The following AMD1 variants were observed in gnomAD, a reference collection of about 807,000 sequenced individuals.
The protein encoded by AMD1 is S-adenosylmethionine decarboxylase proenzyme.
A neutral mutation model predicts 40.2 loss-of-function variants in AMD1; 11 were observed. That is an observed-to-expected ratio of 0.27 (90% CI 0.17 to 0.45). AMD1 has a LOEUF of 0.45. Among genes scored for constraint, AMD1 ranks in the 20% least tolerant of loss-of-function variants. The pLI is 1.00. For missense variants in AMD1, 257 were observed against 410.2 expected (o/e 0.63, Z 3.23); for synonymous variants, 121 against 130.8 (o/e 0.93, Z 0.51).
chr6:110,839,235 A>G, the AMD1 span, among the ~76,000 whole-genome samples: 2 of 152,308 alleles, frequency 1.3e-5, no homozygotes, highest in East Asian at 3.9e-4. Flanking sequence ...TTTTCTACAC[A>G]CTGAATGATA....
chr6:110,834,567 A>G, the AMD1 span, among the ~76,000 whole-genome samples: 1 of 151,780 alleles, frequency 6.6e-6, no homozygotes, highest in Admixed American at 6.6e-5. Context: ...TTATGCCTAT[A>G]CTCCCAGCAC....
At chr6:110,818,376 C>T in the AMD1 span, among the ~76,000 whole-genome samples, 1 of 152,078 alleles carries the variant, frequency 6.6e-6, no homozygotes, top group Non-Finnish European at 1.5e-5. Flanking sequence ...AATGAATGAG[C>T]TATACATTGT....
chr6:110,819,163 G>T, the AMD1 span, among the ~76,000 whole-genome samples: 28 of 152,244 alleles, frequency 1.8e-4, no homozygotes, highest in South Asian at 5.6e-3. Flanking sequence ...TTTGAGACCA[G>T]CCTAATCAAC....
rs1786247687 is a variant in AMD1 at position 110,895,423 on chromosome 6, GTTGAC to G, written c.*1812_*1816del. The G allele has an allele frequency of 2.0e-5, 3 of 150,844 alleles. No homozygotes were observed. 9.3% of individuals were successfully genotyped at this position (150,844 alleles called of 1,614,324 possible). On this transcript the variant is annotated 3_prime_UTR_variant, in exon 9 of 9. Coordinates refer to ENST00000368885, the MANE Select transcript of AMD1 (RefSeq NM_001634.6). ...TCGTAAACAATATCCCAATAGATTTGTTGACTTGAGGTCTGGTTTGGTTTTGTTTT... is the reference window on the plus strand; with the variant it reads ...TCGTAAACAATATCCCAATAGATTTGTTGAGGTCTGGTTTGGTTTTGTTTT...
chr6:110,870,316 TACTTGGTC>T (rs1481539142), upstream of AMD1, among the ~76,000 whole-genome samples: 1 of 152,174 alleles, frequency 6.6e-6, no homozygotes, highest in Admixed American at 6.5e-5. Context: ...TCCAGCACAC[TACTTGGTC>T]ACTTTAAATT....
the AMD1 span, among the ~76,000 whole-genome samples, chr6:110,848,008 C>G: frequency 6.6e-6 from 1 of 151,814 alleles, no homozygotes; most frequent in South Asian, 2.1e-4. Flanking sequence ...GCCACCGCAC[C>G]CGGCCAGCAA....
At chr6:110,849,120 C>G in the AMD1 span, among the ~76,000 whole-genome samples, 1 of 152,178 alleles carries the variant, frequency 6.6e-6, no homozygotes. Flanking sequence ...TGACGTGATA[C>G]AGACAATGAC....
chr6:110,862,890 T>C, the AMD1 span, among the ~76,000 whole-genome samples: 11 of 152,234 alleles, frequency 7.2e-5, no homozygotes, highest in African/African-American at 2.7e-4. Context: ...TGTGGACTTG[T>C]GGTCCTCACG....
the AMD1 span, among the ~76,000 whole-genome samples, chr6:110,837,370 G>A: frequency 6.6e-6 from 1 of 150,898 alleles, no homozygotes; most frequent in Non-Finnish European, 1.5e-5. Context: ...TTCTATACAG[G>A]TTACAATAAT....
At chr6:110,887,633 C>A in intron 2 of AMD1, 42 bp downstream of exon 2, 1 of 1,372,942 alleles carries the variant, frequency 7.3e-7, no homozygotes, top group Non-Finnish European at 1.0e-6. Flanking sequence ...AATTTCAGTC[C>A]TAATCATAAT....
At position 110,874,821 on chromosome 6, in the gene AMD1, C is replaced by T. The variant is rs1021755464; in HGVS notation, c.-285C>T. The stretch of plus-strand genomic sequence containing the variant: ...ATGGCCGGCGACATTAGCTAGCGCT[C>T]GCTCTACTCTCTCTAACGGGAAAGC... On this transcript the variant is annotated 5_prime_UTR_variant, in exon 1 of 9. Coordinates refer to ENST00000368885, the MANE Select transcript of AMD1 (RefSeq NM_001634.6). 5 of 330,044 alleles carry T rather than the reference C, an allele frequency of 1.5e-5. No homozygotes were observed. Among genetic ancestry groups the T allele is most frequent in the South Asian group, 8.3e-5 (2 of 24,108 alleles). The allele number at this position is 330,044 out of a possible 1,614,324, so 20.4% of individuals were successfully genotyped here. A position where few individuals can be genotyped will look rare whatever the true frequency, so the allele number is the denominator to read the frequency against.
chr6:110,833,833 G>C, the AMD1 span, among the ~76,000 whole-genome samples: 1 of 152,102 alleles, frequency 6.6e-6, no homozygotes, highest in Non-Finnish European at 1.5e-5. Flanking sequence ...GGGCAACATA[G>C]TGAGATCCTG....
intron 1 of AMD1, among the ~76,000 whole-genome samples, chr6:110,882,589 C>G (rs1785469733): frequency 6.6e-6 from 1 of 152,166 alleles, no homozygotes; most frequent in Non-Finnish European, 1.5e-5. Flanking sequence ...ATTGTATTGA[C>G]TACTTTTTTC....
At chr6:110,850,702 A>T in the AMD1 span, among the ~76,000 whole-genome samples, 1 of 152,186 alleles carries the variant, frequency 6.6e-6, no homozygotes, top group South Asian at 2.1e-4. Flanking sequence ...GAATTGGGCA[A>T]ATTTTACCAA....
intron 1 of AMD1, among the ~76,000 whole-genome samples, chr6:110,884,299 T>C (rs1273918708): frequency 6.6e-6 from 1 of 152,162 alleles, no homozygotes; most frequent in Non-Finnish European, 1.5e-5. Flanking sequence ...TGTCAAAATA[T>C]CCAGGATGCC....
At chr6:110,822,155 G>A in the AMD1 span, among the ~76,000 whole-genome samples, 1 of 151,076 alleles carries the variant, frequency 6.6e-6, no homozygotes, top group African/African-American at 2.4e-5. Context: ...GCAGTGAGCC[G>A]AGATCACACC....
the AMD1 span, among the ~76,000 whole-genome samples, chr6:110,832,604 G>A: frequency 2.6e-5 from 4 of 152,208 alleles, no homozygotes; most frequent in South Asian, 2.1e-4. Flanking sequence ...CTGCCTATAC[G>A]CTACTACAAA....
the AMD1 span, among the ~76,000 whole-genome samples, chr6:110,853,978 C>T: frequency 2.0e-4 from 31 of 152,318 alleles, no homozygotes; most frequent in African/African-American, 6.7e-4. Flanking sequence ...GCTCTCCCAG[C>T]TCTTGTTGGG....
the AMD1 span, among the ~76,000 whole-genome samples, chr6:110,838,386 C>CA: frequency 3.6e-3 from 518 of 144,370 alleles, 2 homozygotes; most frequent in African/African-American, 0.012. Flanking sequence ...GACTCCATCT[C>CA]AAAAAAAAAA....
Sources: gnomAD v4.1 joint callset for allele counts (sites outside exome capture counted in the v4.1 genomes callset) on GRCh38, gnomAD v4.1.1 for gene constraint, MANE v1.5 for transcripts, NCBI Gene and HGNC (gene_info 2026-07-23, HGNC 2026-07-21) for gene names.